The following GFRA2 variants were observed in gnomAD, a reference collection of about 807,000 sequenced individuals.
GFRA2 encodes GDNF family receptor alpha-2.
GFRA2 carries 17 observed loss-of-function variants against 48.3 expected under a neutral mutation model. The ratio of observed to expected loss-of-function variants is 0.35; its 90% CI spans 0.24 to 0.53. The LOEUF is 0.53. Among genes scored for constraint, GFRA2 ranks in the 20% least tolerant of loss-of-function variants. The pLI, the probability that GFRA2 is intolerant of heterozygous loss-of-function variation, is 0.93. For synonymous variants in GFRA2, 305 were observed against 257.2 expected (o/e 1.19, Z -1.78); for missense variants, 660 against 637.3 (o/e 1.04, Z -0.38).
intron 3 of GFRA2, among the ~76,000 whole-genome samples, chr8:21,759,659 T>G (rs935540703): frequency 6.6e-6 from 1 of 151,190 alleles, no homozygotes; most frequent in Non-Finnish European, 1.5e-5. Context: ...GAGGCTGAGG[T>G]AGGTGGATCA....
chr8:21,697,284 G>A (rs1255462111), intron 7 of GFRA2, among the ~76,000 whole-genome samples: 1 of 151,544 alleles, frequency 6.6e-6, no homozygotes, highest in Non-Finnish European at 1.5e-5. Context: ...AGGAACAGAA[G>A]ACAGAGGGAA....
At position 21,711,689 on chromosome 8, in the gene GFRA2, T is replaced by TTTTTTTTTTTTTC. The variant is rs777516928; in HGVS notation, c.795-5649_795-5648insGAAAAAAAAAAAA. On this transcript the variant is annotated intron_variant, in intron 4 of 8. Coordinates refer to ENST00000524240, the MANE Select transcript of GFRA2 (RefSeq NM_001495.5). ...AAATACTTACGCTAAACAGTTTTTC[T>TTTTTTTTTTTTTC]TTTTTTTTTTTTTTGATCATTCTTG... Among the ~76,000 whole-genome samples the TTTTTTTTTTTTTC allele has an allele frequency of 2.0e-3, 263 of 133,754 alleles. 2 individuals carry two copies. The highest frequency in any genetic ancestry group is 7.8e-3 in the Middle Eastern group (2 of 258). 87.7% of individuals were successfully genotyped at this position (133,754 alleles called of 152,430 possible).
chr8:21,773,457 C>T (rs1050407174), intron 3 of GFRA2, among the ~76,000 whole-genome samples: 12 of 152,224 alleles, frequency 7.9e-5, no homozygotes, highest in Non-Finnish European at 2.9e-5. Context: ...CCACTAGGGA[C>T]ACGTGTATCA....
chr8:21,735,411 C>G (rs1272027715), intron 4 of GFRA2, among the ~76,000 whole-genome samples: 1 of 152,024 alleles, frequency 6.6e-6, no homozygotes, highest in Non-Finnish European at 1.5e-5. Flanking sequence ...TGCTATGCAC[C>G]ATAATACCAG....
rs145837014 is a variant in GFRA2, at chr8:21,693,428, G to C, written c.1273-28C>G. The C allele has an allele frequency of 7.0e-6, 11 of 1,582,426 alleles. No individual in the cohort carries two copies. The African/African-American group carries it at 1.2e-4, about 17-fold the overall frequency. ...GAGTCCGCAGCAGGAGAAGAATCAG[G>C]AACAAAGAGAATGAAAACAAAGAAA... On this transcript the variant is annotated intron_variant, in intron 8 of 8. Coordinates refer to ENST00000524240, the MANE Select transcript of GFRA2 (RefSeq NM_001495.5).
chr8:21,750,589 G>A lies in GFRA2; in HGVS notation c.793C>T (p.Arg265Trp), dbSNP rs375157617. Residue 265 changes from arginine (R) to tryptophan (W), a missense_variant and splice_region_variant, in exon 4 of 9, where the codon CGG becomes TGG. By Grantham distance (101) the Arg-to-Trp change is moderately radical. Transcript: ENST00000524240. This position sits in a 1 kb window ranked among gnomAD's most constrained non-coding sequence, Gnocchi z 5.7. ...RGVCRTDHLCRSRLADFHANC... is the reference protein window; with the variant it reads ...RGVCRTDHLCWSRLADFHANC... ...CACCGGGGCTGCCGCGGCACTCACC[G>A]ACACAGGTGGTCAGTCCGGCACACG... The A allele has an allele frequency of 2.5e-5, 40 of 1,588,800 alleles. No homozygotes were observed. Among genetic ancestry groups the A allele is most frequent in the Middle Eastern group, 1.7e-4 (1 of 5,824 alleles).
At chr8:21,805,526 C>A (rs528043876) in intron 1 of GFRA2, among the ~76,000 whole-genome samples, 4 of 152,208 alleles carry the variant, frequency 2.6e-5, no homozygotes, top group South Asian at 2.1e-4. Flanking sequence ...AACTAAGGGG[C>A]CTTGGAGTTT....
chr8:21,792,960 G>C (rs935560564), upstream of GFRA2, among the ~76,000 whole-genome samples: 1 of 152,184 alleles, frequency 6.6e-6, no homozygotes, highest in African/African-American at 2.4e-5. Context: ...CCAGCTACTC[G>C]AGTGCCTGAG....
At chr8:21,798,684 A>G (rs1241484304) in intron 2 of GFRA2, among the ~76,000 whole-genome samples, 1 of 152,192 alleles carries the variant, frequency 6.6e-6, no homozygotes, top group South Asian at 2.1e-4. Context: ...TGACTTTTCC[A>G]GGCAGCCCAC....
chr8:21,734,926 G>A (rs1035597469), intron 4 of GFRA2, among the ~76,000 whole-genome samples: 4 of 152,206 alleles, frequency 2.6e-5, no homozygotes, highest in African/African-American at 9.7e-5. Context: ...TCTATTCAGA[G>A]TCATCCCTCT....
At chr8:21,760,351 G>A (rs980948143) in intron 3 of GFRA2, among the ~76,000 whole-genome samples, 34 of 152,208 alleles carry the variant, frequency 2.2e-4, no homozygotes, top group African/African-American at 8.2e-4. Flanking sequence ...AAAGCTAGTG[G>A]AGGCTGGGGT....
chr8:21,728,164 T>C (rs899779365), intron 4 of GFRA2, among the ~76,000 whole-genome samples: 2 of 151,176 alleles, frequency 1.3e-5, no homozygotes, highest in Admixed American at 1.3e-4. Context: ...ACTGTGGTTC[T>C]CAACCCTCAC....
At chr8:21,699,849 C>T (rs2117341233) in intron 7 of GFRA2, among the ~76,000 whole-genome samples, 1 of 152,282 alleles carries the variant, frequency 6.6e-6, no homozygotes, top group Non-Finnish European at 1.5e-5. Context: ...CTGAACAAAG[C>T]ACCCACTCCA....
At chr8:21,799,666 T>A (rs1282515853) in intron 2 of GFRA2, among the ~76,000 whole-genome samples, 5 of 152,220 alleles carry the variant, frequency 3.3e-5, no homozygotes, top group African/African-American at 1.2e-4. Flanking sequence ...CTGTTAGCAG[T>A]GTGATCCCCT....
At chr8:21,749,520 C>T (rs1331452920) in intron 4 of GFRA2, among the ~76,000 whole-genome samples, 1 of 151,446 alleles carries the variant, frequency 6.6e-6, no homozygotes, top group Non-Finnish European at 1.5e-5. Flanking sequence ...CTGACCCATT[C>T]CTCACTCATA....
At chr8:21,790,769 C>T (rs1161249552), upstream of GFRA2, among the ~76,000 whole-genome samples, 1 of 152,212 alleles carries the variant, frequency 6.6e-6, no homozygotes, top group Non-Finnish European at 1.5e-5. Flanking sequence ...GTCATTCCTC[C>T]AAGCCTCTCA....
intron 6 of GFRA2, 73 bp downstream of exon 6, chr8:21,704,912 T>C (rs538100232): frequency 6.1e-6 from 7 of 1,145,192 alleles, no homozygotes; most frequent in Admixed American, 5.6e-5. Flanking sequence ...CGGAAGGAGA[T>C]GGGAATGGCT....
intron 4 of GFRA2, among the ~76,000 whole-genome samples, chr8:21,714,246 C>CTTTTTTTTTTTTTTTTTTT (rs10674628): frequency 2.6e-5 from 2 of 78,400 alleles, no homozygotes; most frequent in African/African-American, 1.0e-4. Flanking sequence ...GTCTGAAGTT[C>CTTTTTTTTTTTTTTTTTTT]TTTTTTTTTT....
intron 2 of GFRA2, 133 bp downstream of exon 2, chr8:21,782,452 C>G (rs1807040550): frequency 1.5e-6 from 1 of 685,454 alleles, no homozygotes; most frequent in African/African-American, 1.8e-5. Flanking sequence ...CTAGGTTCCC[C>G]TAGCAGGTAG....
Sources: allele counts gnomAD v4.1 joint callset (sites outside exome capture counted in the v4.1 genomes callset), GRCh38; gene constraint gnomAD v4.1.1; non-coding constraint Gnocchi (gnomAD v3.1); transcripts MANE v1.5; gene names NCBI Gene and HGNC (gene_info 2026-07-23, HGNC 2026-07-21).